The following ZNF365 variants were observed in gnomAD, a reference collection of about 807,000 sequenced individuals.
The protein encoded by ZNF365 is zinc finger protein 365.
ZNF365 carries 22 observed loss-of-function variants against 35.0 expected under a neutral mutation model. The ratio of observed to expected loss-of-function variants is 0.63; its 90% CI spans 0.45 to 0.90. ZNF365 has a LOEUF of 0.90. Among genes scored for constraint, ZNF365 ranks in the 40% least tolerant of loss-of-function variants. ZNF365 has a pLI of 0.00. For missense variants in ZNF365, 448 were observed against 500.3 expected (o/e 0.90, Z 1.00); for synonymous variants, 188 against 196.2 (o/e 0.96, Z 0.35).
chr10:62,448,495 A>G (rs571949576), intron 3 of ZNF365, among the ~76,000 whole-genome samples: 1 of 152,272 alleles, frequency 6.6e-6, no homozygotes, highest in Admixed American at 6.5e-5. Flanking sequence ...CCCTTTTTTT[A>G]TTCAGTTTGT....
chr10:62,459,804 C>A, intron 4 of ZNF365: 1 of 1,606,864 alleles, frequency 6.2e-7, no homozygotes, highest in Non-Finnish European at 8.5e-7. Flanking sequence ...GGAGGTAAAG[C>A]CACCACCTGG....
chr10:62,475,403 G>A (rs531945451), intron 4 of ZNF365, among the ~76,000 whole-genome samples: 3 of 152,192 alleles, frequency 2.0e-5, no homozygotes, highest in Non-Finnish European at 4.4e-5. Flanking sequence ...ACTGCATTGG[G>A]CAACACAGGG....
chr10:62,457,614 G>C (rs1019889420), intron 3 of ZNF365, among the ~76,000 whole-genome samples: 1 of 152,222 alleles, frequency 6.6e-6, no homozygotes, highest in Non-Finnish European at 1.5e-5. Context: ...TTTATTTCTT[G>C]AGTCTTTGGT....
intron 2 of ZNF365, among the ~76,000 whole-genome samples, chr10:62,379,441 A>G (rs1378964507): frequency 6.6e-6 from 1 of 151,928 alleles, no homozygotes; most frequent in Non-Finnish European, 1.5e-5. Flanking sequence ...ACTTTTAAAC[A>G]TAAACAAAGT....
chr10:62,425,556 G>A (rs1255894395), intron 3 of ZNF365, among the ~76,000 whole-genome samples: 1 of 152,108 alleles, frequency 6.6e-6, no homozygotes, highest in Non-Finnish European at 1.5e-5. Flanking sequence ...GGCCAGATAT[G>A]GTCCAGTCAA....
intron 3 of ZNF365, among the ~76,000 whole-genome samples, chr10:62,451,642 G>A (rs12258133): frequency 0.014 from 2,128 of 152,224 alleles, 53 homozygotes; most frequent in African/African-American, 0.048. Flanking sequence ...AGGAGAAAGA[G>A]CTTTCCTTGC....
rs79377421 is a variant in ZNF365, at chr10:62,418,959, C to A, written c.924+30383C>A. On this transcript the variant is annotated intron_variant, in intron 3 of 4. Transcript: ENST00000395255. Reference sequence around the variant, plus strand: ...TCAGACAGGCAATAGAAACAAAGAACCTTAAGCACATAGCCAACAATCTTA... The same window carrying A: ...TCAGACAGGCAATAGAAACAAAGAAACTTAAGCACATAGCCAACAATCTTA... Among the ~76,000 whole-genome samples the A allele has an allele frequency of 1.2e-4, 18 of 152,112 alleles. No individual in the cohort carries two copies. In the East Asian group the frequency reaches 3.1e-3, roughly 26 times the overall value.
intron 3 of ZNF365, among the ~76,000 whole-genome samples, chr10:62,395,223 T>C (rs567551541): frequency 6.6e-5 from 10 of 152,282 alleles, no homozygotes; most frequent in African/African-American, 2.4e-4. Context: ...CTGGGCAGAT[T>C]TGGCACTTTG....
intron 3 of ZNF365, among the ~76,000 whole-genome samples, chr10:62,420,754 A>G (rs1840153656): frequency 6.7e-6 from 1 of 149,666 alleles, no homozygotes. Context: ...AATGTCTTCT[A>G]GAATGGTTTC....
intron 3 of ZNF365, among the ~76,000 whole-genome samples, chr10:62,435,135 C>T (rs1840388024): frequency 6.6e-6 from 1 of 152,110 alleles, no homozygotes; most frequent in Admixed American, 6.6e-5. Context: ...TAATGACAGA[C>T]TAAGAAAGAT....
At chr10:62,386,630 G>A (rs546376342) in intron 2 of ZNF365, among the ~76,000 whole-genome samples, 3 of 152,304 alleles carry the variant, frequency 2.0e-5, no homozygotes, top group Middle Eastern at 3.4e-3. Flanking sequence ...CATGTGTGGC[G>A]TAATGTATTT....
intron 3 of ZNF365, among the ~76,000 whole-genome samples, chr10:62,445,167 G>T (rs1462152525): frequency 6.6e-6 from 1 of 150,662 alleles, no homozygotes; most frequent in Non-Finnish European, 1.5e-5. Context: ...TCTTAATCCA[G>T]TCTATCATTG....
chr10:62,477,041 A>G (rs1333662585), intron 4 of ZNF365, among the ~76,000 whole-genome samples: 2 of 152,196 alleles, frequency 1.3e-5, no homozygotes, highest in Non-Finnish European at 2.9e-5. Flanking sequence ...TATTGAGTTC[A>G]TTTTCTGTGC....
intron 3 of ZNF365, among the ~76,000 whole-genome samples, chr10:62,458,376 G>A (rs1165155700): frequency 6.6e-6 from 1 of 151,900 alleles, no homozygotes. Context: ...TTTGTCTTCA[G>A]CATGGTTATG....
At chr10:62,466,802 A>G (rs1194651818) in intron 4 of ZNF365, among the ~76,000 whole-genome samples, 2 of 151,928 alleles carry the variant, frequency 1.3e-5, no homozygotes, top group African/African-American at 4.8e-5. Flanking sequence ...GACCTGGCTG[A>G]GACTGTTTTT....
intron 4 of ZNF365, among the ~76,000 whole-genome samples, chr10:62,477,530 T>G (rs1841152800): frequency 6.6e-6 from 1 of 152,234 alleles, no homozygotes; most frequent in African/African-American, 2.4e-5. Context: ...CTTGGCATTA[T>G]GGTGAATAAT....
At chr10:62,431,712 T>C (rs1261921410) in intron 3 of ZNF365, among the ~76,000 whole-genome samples, 1 of 152,206 alleles carries the variant, frequency 6.6e-6, no homozygotes, top group African/African-American at 2.4e-5. Flanking sequence ...AGACAGAGGA[T>C]GAGCTTCTGG....
At chr10:62,405,364 A>C (rs1839889809), downstream of ZNF365, among the ~76,000 whole-genome samples, 1 of 152,132 alleles carries the variant, frequency 6.6e-6, no homozygotes, top group African/African-American at 2.4e-5. Context: ...CACATTTTGC[A>C]ATGAGAGGGG....
chr10:62,403,197 A>G (rs10821991), downstream of ZNF365, among the ~76,000 whole-genome samples: 88,905 of 152,090 alleles, frequency 0.58, 26,880 homozygotes, highest in East Asian at 0.76. Context: ...AGAAAAGGAC[A>G]TGTTAGTAAG....
Sources: allele counts gnomAD v4.1 joint callset (sites outside exome capture counted in the v4.1 genomes callset), GRCh38; gene constraint gnomAD v4.1.1; transcripts MANE v1.5; gene names NCBI Gene and HGNC (gene_info 2026-07-23, HGNC 2026-07-21).